PHF24: variants seen among roughly 807,000 people sequenced by gnomAD.
PHF24 encodes the protein PHD finger protein 24, also known as Galpha inhibitory interacting protein.
PHF24 carries 25 observed loss-of-function variants against 42.6 expected under a neutral mutation model. That is an observed-to-expected ratio of 0.59 (90% confidence interval 0.43 to 0.82). The LOEUF is 0.82. PHF24 is among the 40% of genes least tolerant of loss of function. The pLI, the probability that PHF24 is intolerant of heterozygous loss-of-function variation, is 0.00. For missense variants in PHF24, 470 were observed against 538.1 expected (o/e 0.87, Z 1.25); for synonymous variants, 185 against 204.8 (o/e 0.90, Z 0.83).
the PHF24 span, among the ~76,000 whole-genome samples, chr9:34,682,299 G>A: frequency 2.6e-5 from 4 of 151,936 alleles, no homozygotes; most frequent in Middle Eastern, 3.4e-3. Flanking sequence ...ACTTTTGATC[G>A]TGGACTTCTA....
At chr9:34,855,956 G>T in the PHF24 span, among the ~76,000 whole-genome samples, 1 of 152,132 alleles carries the variant, frequency 6.6e-6, no homozygotes, top group Non-Finnish European at 1.5e-5. Flanking sequence ...ATTTCTCAGA[G>T]ATTTCATACA....
At chr9:34,801,917 G>A in the PHF24 span, among the ~76,000 whole-genome samples, 1 of 151,796 alleles carries the variant, frequency 6.6e-6, no homozygotes, top group South Asian at 2.1e-4. Context: ...TGGGGGTGGG[G>A]GGCAAGGGGA....
At chr9:34,709,460 AC>A in the PHF24 span, 2 of 1,613,382 alleles carry the variant, frequency 1.2e-6, no homozygotes, top group South Asian at 2.2e-5. Flanking sequence ...TGAGGGGCTG[AC>A]TGAGGCTCCC....
At chr9:34,937,034 G>GC in the PHF24 span, among the ~76,000 whole-genome samples, 1,435 of 135,342 alleles carry the variant, frequency 0.011, 32 homozygotes, top group Non-Finnish European at 0.013. Context: ...GGGGGGGTCA[G>GC]CCCCCCCCCC....
At chr9:34,837,709 C>A in the PHF24 span, 1 of 1,493,658 alleles carries the variant, frequency 6.7e-7, no homozygotes, top group South Asian at 1.2e-5. Flanking sequence ...GCTTAAAAGA[C>A]AAAAACATTA....
chr9:34,866,398 T>C, the PHF24 span, among the ~76,000 whole-genome samples: 1 of 152,130 alleles, frequency 6.6e-6, no homozygotes, highest in Admixed American at 6.6e-5. Flanking sequence ...TCTTTCAAGA[T>C]ATAGCTCATG....
chr9:34,736,058 T>G, the PHF24 span, among the ~76,000 whole-genome samples: 24 of 151,974 alleles, frequency 1.6e-4, no homozygotes, highest in East Asian at 3.9e-4. Context: ...GGCTCACCAG[T>G]AGTAGTTTTT....
the PHF24 span, chr9:34,922,683 G>T: frequency 1.5e-6 from 2 of 1,327,790 alleles, no homozygotes; most frequent in South Asian, 2.3e-5. Flanking sequence ...CTGTATTCTT[G>T]AGCCATCTGC....
the PHF24 span, among the ~76,000 whole-genome samples, chr9:34,804,404 G>C: frequency 6.6e-6 from 1 of 152,310 alleles, no homozygotes; most frequent in South Asian, 2.1e-4. Context: ...CTTAAGGGCA[G>C]TGTTATATAA....
chr9:34,959,317 AG>A (rs1826509089), intron 1 of PHF24, among the ~76,000 whole-genome samples: 1 of 152,250 alleles, frequency 6.6e-6, no homozygotes. Context: ...CCAGTACGCT[AG>A]GCAGTATACT....
chr9:34,861,918 A>G, the PHF24 span, among the ~76,000 whole-genome samples: 1 of 152,228 alleles, frequency 6.6e-6, no homozygotes, highest in African/African-American at 2.4e-5. Context: ...GTCTTAGACT[A>G]TTCAGGCTGC....
chr9:34,895,337 A>G, the PHF24 span, among the ~76,000 whole-genome samples: 9 of 152,160 alleles, frequency 5.9e-5, no homozygotes, highest in South Asian at 1.9e-3. Flanking sequence ...GGACTTTAGG[A>G]TGAGACGGGA....
chr9:34,672,272 C>T, the PHF24 span, among the ~76,000 whole-genome samples: 21,226 of 151,972 alleles, frequency 0.14, 1,589 homozygotes, highest in Admixed American at 0.19. Flanking sequence ...GACTGAAGAA[C>T]TGAGTATGTA....
At chr9:34,686,326 A>G in the PHF24 span, among the ~76,000 whole-genome samples, 2 of 152,130 alleles carry the variant, frequency 1.3e-5, no homozygotes, top group African/African-American at 4.8e-5. Flanking sequence ...TGAATATGAG[A>G]TGATCAAAAC....
At chr9:34,779,901 T>C in the PHF24 span, among the ~76,000 whole-genome samples, 1 of 152,276 alleles carries the variant, frequency 6.6e-6, no homozygotes, top group East Asian at 1.9e-4. Flanking sequence ...AATTTTTGTA[T>C]TTTTAGTAGA....
the PHF24 span, among the ~76,000 whole-genome samples, chr9:34,887,752 A>G: frequency 6.6e-6 from 1 of 151,978 alleles, no homozygotes; most frequent in Non-Finnish European, 1.5e-5. Flanking sequence ...CACCTTCTAT[A>G]TACTATGTTT....
At chr9:34,885,651 G>A in the PHF24 span, among the ~76,000 whole-genome samples, 3 of 152,028 alleles carry the variant, frequency 2.0e-5, no homozygotes, top group African/African-American at 7.2e-5. Flanking sequence ...AGCCTCCCTG[G>A]TCCTTTACCT....
the PHF24 span, among the ~76,000 whole-genome samples, chr9:34,730,202 A>T: frequency 3.6e-3 from 547 of 151,974 alleles, 3 homozygotes; most frequent in Non-Finnish European, 6.9e-3. Context: ...TTGCCTGAGG[A>T]TGTTTTTTTT....
the PHF24 span, among the ~76,000 whole-genome samples, chr9:34,817,016 T>A: frequency 3.9e-5 from 6 of 152,232 alleles, no homozygotes; most frequent in African/African-American, 1.4e-4. Context: ...AGGTTGTGTA[T>A]AGATCCAATA....
Sources: gnomAD v4.1 joint callset for allele counts (sites outside exome capture counted in the v4.1 genomes callset) on GRCh38, gnomAD v4.1.1 for gene constraint, MANE v1.5 for transcripts, NCBI Gene and HGNC (gene_info 2026-07-23, HGNC 2026-07-21) for gene names.